Variants in GNAO1 observed in about 807,000 individuals in gnomAD.
GNAO1 encodes G protein subunit alpha o1, also known as guanine nucleotide-binding protein G(o) subunit alpha.
For missense variants in GNAO1, 166 were observed against 478.7 expected (o/e 0.35, Z 6.10); for synonymous variants, 164 against 180.7 (o/e 0.91, Z 0.74).
intron 3 of GNAO1, among the ~76,000 whole-genome samples, chr16:56,285,660 A>G (rs2143545411): frequency 6.6e-6 from 1 of 152,374 alleles, no homozygotes; most frequent in South Asian, 2.1e-4. Flanking sequence ...ATCGTGTTGT[A>G]TTTTAAATGC....
intron 2 of GNAO1, among the ~76,000 whole-genome samples, chr16:56,251,905 C>T (rs1408958487): frequency 6.6e-6 from 1 of 152,166 alleles, no homozygotes; most frequent in Admixed American, 6.5e-5. Context: ...TGTTAGATTT[C>T]CTGGCATTTG....
In GNAO1 at chr16:56,311,169, G is replaced by A. The variant is rs1479891932; in HGVS notation, c.304-17462G>A. Among the ~76,000 whole-genome samples the A allele has an allele frequency of 6.7e-6, 1 of 150,128 alleles. No homozygotes were observed. Among genetic ancestry groups the A allele is most frequent in the Non-Finnish European group, 1.5e-5 (1 of 67,486 alleles). On this transcript the variant is annotated intron_variant, in intron 3 of 8. Coordinates refer to ENST00000262493, the MANE Select transcript of GNAO1 (RefSeq NM_020988.3). The surrounding 1 kb of genome is among the most constrained non-coding windows in gnomAD (Gnocchi z 5.2). ...CTATCTACCCTGGCCAGGGTGTGGG[G>A]CTTGGGGGTGGAGATGGGGGAGAGA...
At chr16:56,295,630 A>G (rs967475468) in intron 3 of GNAO1, among the ~76,000 whole-genome samples, 2 of 151,958 alleles carry the variant, frequency 1.3e-5, no homozygotes, top group Non-Finnish European at 2.9e-5. Context: ...CTTCCCCTCC[A>G]TGTCTCGCTT....
rs578183050 is a variant in GNAO1 at position 56,277,200 on chromosome 16, G to T, written c.303+1128G>T. Among the ~76,000 whole-genome samples the T allele has an allele frequency of 3.9e-5, 6 of 152,370 alleles. No homozygotes were observed. In the South Asian group the frequency reaches 1.2e-3, roughly 32 times the overall value. ...GAGGGTATGTCCGAGGCCAGCCTGC[G>T]GTGGAGAAGCTGGGCACTAGCAGGG... On this transcript the variant is annotated intron_variant, in intron 3 of 8. Coordinates refer to ENST00000262493, the MANE Select transcript of GNAO1 (RefSeq NM_020988.3).
chr16:56,335,972 C>T (rs1424783717), intron 5 of GNAO1, among the ~76,000 whole-genome samples: 1 of 152,188 alleles, frequency 6.6e-6, no homozygotes, highest in Non-Finnish European at 1.5e-5. Context: ...GAGATCCTTC[C>T]CTGTCCCCCT....
chr16:56,206,770 C>T (rs11639955), intron 2 of GNAO1, among the ~76,000 whole-genome samples: 10,720 of 152,226 alleles, frequency 0.07, 410 homozygotes, highest in South Asian at 0.093. Context: ...TCCCTCTGGC[C>T]GTCCTGTGGA....
chr16:56,291,305 C>T (rs1453228560), intron 3 of GNAO1, among the ~76,000 whole-genome samples: 2 of 152,176 alleles, frequency 1.3e-5, no homozygotes, highest in Non-Finnish European at 2.9e-5. Context: ...TTTATTATAG[C>T]CATCCTCGTG....
At position 56,279,464 on chromosome 16, in the gene GNAO1, C is replaced by T. The variant is rs140926188; in HGVS notation, c.303+3392C>T. Among the ~76,000 whole-genome samples the T allele has an allele frequency of 1.4e-4, 21 of 152,304 alleles. No individual in the cohort carries two copies. The East Asian group carries it at 4.1e-3, about 29-fold the overall frequency. On this transcript the variant is annotated intron_variant, in intron 3 of 8. Coordinates refer to ENST00000262493, the MANE Select transcript of GNAO1 (RefSeq NM_020988.3). Reference sequence around the variant, plus strand: ...CAGACTACAGACCTCTCCCAGGGGCCCCATGTACTCTCACTCCTCTGGGCC... The same window carrying T: ...CAGACTACAGACCTCTCCCAGGGGCTCCATGTACTCTCACTCCTCTGGGCC...
chr16:56,319,842 G>A (rs1396432775), intron 3 of GNAO1, among the ~76,000 whole-genome samples: 1 of 152,012 alleles, frequency 6.6e-6, no homozygotes, highest in Admixed American at 6.5e-5. Flanking sequence ...TGTCTCCACA[G>A]GCCTCTTCCT....
chr16:56,277,090 T>C (rs1286262464), intron 3 of GNAO1: 1 of 152,260 alleles, frequency 6.6e-6, no homozygotes, highest in African/African-American at 2.4e-5. Context: ...AAATTTGATA[T>C]GTAATGCACA....
At chr16:56,255,479 G>A (rs1241184486) in intron 2 of GNAO1, 1 of 152,198 alleles carries the variant, frequency 6.6e-6, no homozygotes, top group Non-Finnish European at 1.5e-5. Flanking sequence ...TAGTGTTTCA[G>A]ATGAGAAGTT....
In GNAO1 at chr16:56,288,179, T is replaced by C. The variant is rs1215456763; in HGVS notation, c.303+12107T>C. Among the ~76,000 whole-genome samples, 11 of 152,334 alleles carry C rather than the reference T, an allele frequency of 7.2e-5. No individual in the cohort carries two copies. In the East Asian group the frequency reaches 2.1e-3, roughly 29 times the overall value. ...TACTTGAGAAATATGGACGTGGCCT[T>C]CTCTGTGCCAGCAGCATGCTGAGTG... is the stretch of plus-strand genomic sequence containing the variant. On this transcript the variant is annotated intron_variant, in intron 3 of 8. Coordinates refer to ENST00000262493, the MANE Select transcript of GNAO1 (RefSeq NM_020988.3).
intron 2 of GNAO1, among the ~76,000 whole-genome samples, chr16:56,251,076 G>A (rs2036794962): frequency 6.6e-6 from 1 of 152,214 alleles, no homozygotes; most frequent in Non-Finnish European, 1.5e-5. Context: ...TTTCACTTCA[G>A]CATCAGTTTG....
At chr16:56,220,521 G>A (rs1279335535) in intron 2 of GNAO1, among the ~76,000 whole-genome samples, 1 of 151,992 alleles carries the variant, frequency 6.6e-6, no homozygotes, top group African/African-American at 2.4e-5. Context: ...AGAAACTGAT[G>A]GAAACTATGA....
At chr16:56,244,975 C>T (rs1035784012) in intron 2 of GNAO1, among the ~76,000 whole-genome samples, 45 of 152,144 alleles carry the variant, frequency 3.0e-4, no homozygotes, top group African/African-American at 1.0e-3. Flanking sequence ...GATGGCCCCT[C>T]GGGTCTATCC....
At position 56,351,500 on chromosome 16, in the gene GNAO1, G is replaced by A; in HGVS notation, c.840G>A (p.Lys280=). ...NKKDLFGEKI[K]KSPLTICFPE... ...AAGATCTCTTTGGCGAGAAGATCAA[G>A]AAGTCACCTTTGACCATCTGCTTTC... The change falls in exon 7 of 9, where the codon AAG becomes AAA. Residue 280 remains lysine (K), a synonymous_variant. Transcript: ENST00000262493. This position sits in a 1 kb window ranked among gnomAD's most constrained non-coding sequence, Gnocchi z 6.1. 6.2e-7 allele frequency: 1 copy of A among 1,613,452 alleles called. No homozygotes were observed. Among genetic ancestry groups the A allele is most frequent in the Admixed American group, 1.7e-5 (1 of 60,026 alleles).
intron 2 of GNAO1, among the ~76,000 whole-genome samples, chr16:56,207,851 T>C (rs2036344948): frequency 1.3e-5 from 2 of 152,222 alleles, no homozygotes; most frequent in South Asian, 4.1e-4. Context: ...AAATGTACAT[T>C]AATCTTATAT....
At chr16:56,280,971 TG>T in intron 3 of GNAO1, among the ~76,000 whole-genome samples, 1 of 152,196 alleles carries the variant, frequency 6.6e-6, no homozygotes, top group African/African-American at 2.4e-5. Flanking sequence ...TGGAAAAGGG[TG>T]GGCCTAATTT....
At chr16:56,202,028 C>T (rs1470164812) in intron 2 of GNAO1, among the ~76,000 whole-genome samples, 1 of 152,052 alleles carries the variant, frequency 6.6e-6, no homozygotes, top group African/African-American at 2.4e-5. Flanking sequence ...GGCAGGCATG[C>T]GTCTCCCATC....
Sources: allele counts gnomAD v4.1 joint callset (sites outside exome capture counted in the v4.1 genomes callset), GRCh38; gene constraint gnomAD v4.1.1; non-coding constraint Gnocchi (gnomAD v3.1); transcripts MANE v1.5; gene names NCBI Gene and HGNC (gene_info 2026-07-23, HGNC 2026-07-21).